The following MGAT5B variants were observed in gnomAD, a reference collection of about 807,000 sequenced individuals.
MGAT5B encodes N-acetylglucosaminyl-transferase Vb.
A neutral mutation model predicts 95.1 loss-of-function variants in MGAT5B; 54 were observed. The ratio of observed to expected loss-of-function variants is 0.57; its 90% CI spans 0.46 to 0.71. The LOEUF (loss-of-function observed/expected upper bound fraction) is 0.71, where lower values mean the gene tolerates loss of function less well. Ranked by LOEUF, MGAT5B falls within the 30% of genes least tolerant of loss-of-function variation. The pLI, the probability that MGAT5B is intolerant of heterozygous loss-of-function variation, is 0.00. For missense variants in MGAT5B, 935 were observed against 1,088.6 expected, an observed-to-expected ratio of 0.86 and a Z score of 1.99; for synonymous variants, 464 against 451.0, an observed-to-expected ratio of 1.03 and a Z score of -0.36.
At chr17:76,902,519 C>A in intron 3 of MGAT5B, 36 bp from the exon 4 acceptor site, 2 of 1,501,542 alleles carry the variant, frequency 1.3e-6, no homozygotes, top group Non-Finnish European at 1.8e-6. Context: ...TCACCCCGGC[C>A]GGTTCTGTGG....
At chr17:76,881,355 C>T (rs1209787014) in intron 2 of MGAT5B, among the ~76,000 whole-genome samples, 1 of 152,198 alleles carries the variant, frequency 6.6e-6, no homozygotes, top group Non-Finnish European at 1.5e-5. Context: ...GGAACCTGCC[C>T]TTGTCAGTTG....
At position 76,870,425 on chromosome 17, in the gene MGAT5B, G is replaced by T. The variant is rs1850555038; in HGVS notation, c.68+1328G>T. On this transcript the variant is annotated intron_variant, in intron 1 of 17. Coordinates refer to ENST00000569840, the MANE Select transcript of MGAT5B (RefSeq NM_001199172.2). The surrounding 1 kb of genome is among the most constrained non-coding windows in gnomAD (Gnocchi z 5.0). ...CTCTGGAAAGGGCCTTGCTCCTCCA[G>T]GGAAGGCCTTGAATCCCTGGCCTGA... Among the ~76,000 whole-genome samples, 1 of 152,164 alleles carries T rather than the reference G, an allele frequency of 6.6e-6. No homozygotes were observed. The highest frequency in any genetic ancestry group is 1.5e-5 in the Non-Finnish European group (1 of 68,006).
chr17:76,908,716 A>G (rs148866870), intron 8 of MGAT5B, among the ~76,000 whole-genome samples: 6 of 152,090 alleles, frequency 3.9e-5, no homozygotes, highest in Non-Finnish European at 7.4e-5. Context: ...AGTATTTATT[A>G]TTTTTATGTG....
intron 10 of MGAT5B, among the ~76,000 whole-genome samples, chr17:76,928,377 G>A (rs1387224390): frequency 1.3e-5 from 2 of 152,090 alleles, no homozygotes; most frequent in African/African-American, 4.8e-5. Context: ...GAAAAGCTAC[G>A]AAGTTGAGAA....
At chr17:76,873,036 C>T in intron 2 of MGAT5B, 73 bp downstream of exon 2, 3 of 1,545,850 alleles carry the variant, frequency 1.9e-6, no homozygotes, top group Non-Finnish European at 2.6e-6. Context: ...TGCCTCTGAG[C>T]CTAGCCCTGT....
intron 8 of MGAT5B, among the ~76,000 whole-genome samples, 155 bp from the exon 9 acceptor site, chr17:76,924,811 G>A (rs542287169): frequency 9.2e-5 from 14 of 152,254 alleles, no homozygotes; most frequent in South Asian, 6.2e-4. Context: ...AAAAACCTAC[G>A]TTACCGTACA....
intron 8 of MGAT5B, among the ~76,000 whole-genome samples, chr17:76,924,641 A>G (rs1472593269): frequency 6.6e-6 from 1 of 152,188 alleles, no homozygotes; most frequent in Non-Finnish European, 1.5e-5. Flanking sequence ...TGAAAGTTAG[A>G]GAAAGGCTCC....
chr17:76,868,594 G>T lies in MGAT5B; in HGVS notation c.-436G>T, dbSNP rs1966883551. 6.8e-6 allele frequency: 1 copy of T among 147,450 alleles called. No individual in the cohort carries two copies. Among genetic ancestry groups the T allele is most frequent in the Non-Finnish European group, 1.5e-5 (1 of 66,126 alleles). The allele number at this position is 147,450 out of a possible 1,614,324, so 9.1% of individuals were successfully genotyped here. A position where few individuals can be genotyped will look rare whatever the true frequency, so the allele number is the denominator to read the frequency against. On this transcript the variant is annotated 5_prime_UTR_variant, in exon 1 of 18. Coordinates refer to ENST00000569840, the MANE Select transcript of MGAT5B (RefSeq NM_001199172.2). This position sits in a 1 kb window ranked among gnomAD's most constrained non-coding sequence, Gnocchi z 6.3. ...CTGAGGATCGGCGCGGCCCGGAGGC[G>T]CTGGGGACCGGGGCGCGGGCCCGGG...
intron 1 of MGAT5B, among the ~76,000 whole-genome samples, chr17:76,871,111 C>T (rs1966995431): frequency 6.6e-6 from 1 of 152,166 alleles, no homozygotes; most frequent in Admixed American, 6.5e-5. Flanking sequence ...AACTCCTTCA[C>T]TCCCCTGGCC....
At position 76,915,815 on chromosome 17, in the gene MGAT5B, T is replaced by C. The variant is rs1459454631; in HGVS notation, c.1026-9151T>C. Among the ~76,000 whole-genome samples, 1 of 152,100 alleles carries C rather than the reference T, an allele frequency of 6.6e-6. No homozygotes were observed. The highest frequency in any genetic ancestry group is 1.9e-4 in the East Asian group (1 of 5,182). On this transcript the variant is annotated intron_variant, in intron 8 of 17. Coordinates refer to ENST00000569840, the MANE Select transcript of MGAT5B (RefSeq NM_001199172.2). This position sits in a 1 kb window ranked among gnomAD's most constrained non-coding sequence, Gnocchi z 8.7. ...TGTCTCCTTTTTCCTTCCCCTTCCT[T>C]CAGTTTCAAGGAGGCATTTTAACCT...
intron 3 of MGAT5B, among the ~76,000 whole-genome samples, chr17:76,894,344 G>A (rs1055872330): frequency 6.6e-6 from 1 of 152,160 alleles, no homozygotes; most frequent in African/African-American, 2.4e-5. Context: ...TTTCCTTCCT[G>A]ATCTGTCCAA....
chr17:76,946,070 C>G (rs1970017710), intron 15 of MGAT5B, among the ~76,000 whole-genome samples: 1 of 146,918 alleles, frequency 6.8e-6, no homozygotes, highest in East Asian at 2.0e-4. Context: ...TGTCAAAGCC[C>G]AGTAGGGGAC....
At chr17:76,932,861 C>T (rs1428129283) in intron 11 of MGAT5B, 86 bp downstream of exon 11, 9 of 1,522,380 alleles carry the variant, frequency 5.9e-6, no homozygotes, top group Middle Eastern at 2.2e-4. Flanking sequence ...TTCCAGGATG[C>T]GGTGCCCTCC....
chr17:76,946,343 C>T (rs373923884), intron 15 of MGAT5B, 33 bp from the exon 16 acceptor site: 1 of 1,577,492 alleles, frequency 6.3e-7, no homozygotes, highest in African/African-American at 1.4e-5. Context: ...TGGGCCTTCT[C>T]CCGCCCCATG....
chr17:76,905,910 C>A lies in MGAT5B; in HGVS notation c.856-108C>A. 1.6e-6 allele frequency: 2 copies of A among 1,276,836 alleles called. No individual in the cohort carries two copies. The highest frequency in any genetic ancestry group is 2.1e-6 in the Non-Finnish European group (2 of 941,090). 79.1% of individuals were successfully genotyped at this position (1,276,836 alleles called of 1,614,324 possible). A position where few individuals can be genotyped will look rare whatever the true frequency, so the allele number is the denominator to read the frequency against. On this transcript the variant is annotated intron_variant, in intron 7 of 17. Transcript: ENST00000569840. This position sits in a 1 kb window ranked among gnomAD's most constrained non-coding sequence, Gnocchi z 4.2. ...CCGGAAAGCACCTGCTGGGGCCCAG[C>A]CTGGAGACAGGGTCTGCTGCCGGCT... is the stretch of plus-strand genomic sequence containing the variant.
At chr17:76,899,624 G>A (rs937599827) in intron 3 of MGAT5B, among the ~76,000 whole-genome samples, 1 of 152,104 alleles carries the variant, frequency 6.6e-6, no homozygotes, top group Non-Finnish European at 1.5e-5. Context: ...GTCCAGGGTG[G>A]CAGAGTGAGA....
In MGAT5B at chr17:76,912,850, G is replaced by A. The variant is rs905631086; in HGVS notation, c.1025+6663G>A. Among the ~76,000 whole-genome samples the A allele has an allele frequency of 1.3e-5, 2 of 152,216 alleles. No homozygotes were observed. Among genetic ancestry groups the A allele is most frequent in the Admixed American group, 6.5e-5 (1 of 15,286 alleles). ...GCCAAACCCTAGTGCCTGCCCAGCC[G>A]CTGCATCCTGAGACGGCCTCGTGCA... On this transcript the variant is annotated intron_variant, in intron 8 of 17. Coordinates refer to ENST00000569840, the MANE Select transcript of MGAT5B (RefSeq NM_001199172.2). This position sits in a 1 kb window ranked among gnomAD's most constrained non-coding sequence, Gnocchi z 5.0.
At chr17:76,934,237 A>G (rs934651680) in intron 12 of MGAT5B, among the ~76,000 whole-genome samples, 1 of 152,052 alleles carries the variant, frequency 6.6e-6, no homozygotes, top group African/African-American at 2.4e-5. Flanking sequence ...CTCTTATTTA[A>G]CCTTCACACA....
Position 76,868,847 on chromosome 17 carries a change from C to G in MGAT5B, c.-183C>G. 2.8e-6 allele frequency: 1 copy of G among 356,606 alleles called. No individual in the cohort carries two copies. Among genetic ancestry groups the G allele is most frequent in the Non-Finnish European group, 4.9e-6 (1 of 203,688 alleles). The allele number at this position is 356,606 out of a possible 1,614,324, so 22.1% of individuals were successfully genotyped here. On this transcript the variant is annotated 5_prime_UTR_variant, in exon 1 of 18. Transcript: ENST00000569840. The surrounding 1 kb of genome is among the most constrained non-coding windows in gnomAD (Gnocchi z 6.3). ...GGCGCCCTCGCCGCCCTCCGGCAGCCGCGCCGCTCCCTCCGCTGCACGCCC... is the reference window on the plus strand; with the variant it reads ...GGCGCCCTCGCCGCCCTCCGGCAGCGGCGCCGCTCCCTCCGCTGCACGCCC...
Sources: allele counts gnomAD v4.1 joint callset (sites outside exome capture counted in the v4.1 genomes callset), GRCh38; gene constraint gnomAD v4.1.1; non-coding constraint Gnocchi (gnomAD v3.1); transcripts MANE v1.5; gene names NCBI Gene and HGNC (gene_info 2026-07-23, HGNC 2026-07-21).